ERI3: variants seen among roughly 807,000 people sequenced by gnomAD.
ERI3 encodes the protein ERI1 exoribonuclease 3.
ERI3 carries 18 observed loss-of-function variants against 44.4 expected under a neutral mutation model. That is an observed-to-expected ratio of 0.41 (90% CI 0.28 to 0.60). The LOEUF (loss-of-function observed/expected upper bound fraction) is 0.60, where lower values mean the gene tolerates loss of function less well. ERI3 is among the 20% of genes least tolerant of loss of function. ERI3 has a pLI of 0.36. For missense variants in ERI3, 294 were observed against 435.5 expected (o/e 0.68, Z 2.89); for synonymous variants, 183 against 164.8 (o/e 1.11, Z -0.84).
intron 5 of ERI3, among the ~76,000 whole-genome samples, chr1:44,312,924 G>T (rs1328144920): frequency 1.3e-5 from 2 of 152,252 alleles, no homozygotes; most frequent in African/African-American, 4.8e-5. Flanking sequence ...AGGAAGGGGT[G>T]GGGGCCCCTC....
intron 3 of ERI3, among the ~76,000 whole-genome samples, chr1:44,330,663 G>A (rs534186329): frequency 6.6e-5 from 10 of 152,308 alleles, no homozygotes; most frequent in African/African-American, 2.2e-4. Context: ...GGTAGCTGGT[G>A]TCAATGTGGG....
At chr1:44,243,773 C>A (rs12062880) in intron 8 of ERI3, 1 of 152,284 alleles carries the variant, frequency 6.6e-6, no homozygotes, top group Non-Finnish European at 1.5e-5. Context: ...TTCAGGCCTG[C>A]GTGTTTCACT....
At chr1:44,323,004 C>T (rs1384850305) in intron 3 of ERI3, 1 of 1,219,094 alleles carries the variant, frequency 8.2e-7, no homozygotes, top group Non-Finnish European at 1.1e-6. Context: ...GATAATGAAA[C>T]TGTTATTCCT....
chr1:44,248,702 A>AGAGTGTGTGTGT (rs1553183708), intron 7 of ERI3, among the ~76,000 whole-genome samples: 6 of 148,380 alleles, frequency 4.0e-5, no homozygotes, highest in Non-Finnish European at 6.0e-5. Context: ...TGTGAGAGAG[A>AGAGTGTGTGTGT]GTGTGTGTGT....
chr1:44,284,980 T>C, intron 6 of ERI3, 73 bp from the exon 7 acceptor site: 1 of 1,278,104 alleles, frequency 7.8e-7, no homozygotes, highest in Non-Finnish European at 1.1e-6. Flanking sequence ...AGATGGGAAG[T>C]CCAACAGAGC....
At chr1:44,262,806 A>G (rs1644920906) in intron 7 of ERI3, among the ~76,000 whole-genome samples, 1 of 152,130 alleles carries the variant, frequency 6.6e-6, no homozygotes, top group South Asian at 2.1e-4. Context: ...CCATCTAGGG[A>G]ACATCTTACT....
intron 6 of ERI3, among the ~76,000 whole-genome samples, chr1:44,286,556 G>T (rs1176660615): frequency 6.6e-6 from 1 of 152,124 alleles, no homozygotes; most frequent in East Asian, 1.9e-4. Context: ...GAACAGAATA[G>T]AGCGAGGTGA....
At chr1:44,326,862 G>A (rs1312720723) in intron 3 of ERI3, among the ~76,000 whole-genome samples, 1 of 152,188 alleles carries the variant, frequency 6.6e-6, no homozygotes, top group East Asian at 1.9e-4. Flanking sequence ...TATTTGAGGA[G>A]AGTATGGGTG....
intron 3 of ERI3, among the ~76,000 whole-genome samples, chr1:44,334,025 G>A (rs1646482609): frequency 6.6e-6 from 1 of 152,208 alleles, no homozygotes; most frequent in African/African-American, 2.4e-5. Flanking sequence ...CTTGAATACA[G>A]ATGAGAAGGC....
intron 3 of ERI3, among the ~76,000 whole-genome samples, chr1:44,329,295 G>C (rs1490471301): frequency 6.6e-6 from 1 of 152,108 alleles, no homozygotes; most frequent in African/African-American, 2.4e-5. Flanking sequence ...CATATCCTAA[G>C]GCACCTACTT....
At chr1:44,250,247 C>T (rs1644647822) in intron 7 of ERI3, among the ~76,000 whole-genome samples, 1 of 152,352 alleles carries the variant, frequency 6.6e-6, no homozygotes, top group South Asian at 2.1e-4. Flanking sequence ...GACGGGCGGG[C>T]GGCAGGGCTG....
At chr1:44,322,637 G>A in intron 3 of ERI3, 1 of 1,441,402 alleles carries the variant, frequency 6.9e-7, no homozygotes, top group Middle Eastern at 2.1e-4. Flanking sequence ...ATATTCACTT[G>A]AGCTACTGAG....
intron 8 of ERI3, among the ~76,000 whole-genome samples, chr1:44,231,683 C>A (rs1318573966): frequency 6.6e-6 from 1 of 152,170 alleles, no homozygotes; most frequent in Non-Finnish European, 1.5e-5. Context: ...CAGCCACCTG[C>A]TTCTGCTCTG....
chr1:44,281,528 C>A (rs1455022878), intron 7 of ERI3, among the ~76,000 whole-genome samples: 2 of 147,996 alleles, frequency 1.4e-5, no homozygotes, highest in African/African-American at 5.0e-5. Flanking sequence ...TTCAAGGCTG[C>A]AGCGAGCCAT....
At chr1:44,225,592 G>A (rs1000152515) in intron 8 of ERI3, among the ~76,000 whole-genome samples, 6 of 152,222 alleles carry the variant, frequency 3.9e-5, no homozygotes, top group African/African-American at 1.4e-4. Context: ...GAGAAGATTA[G>A]TGGGGCTAGC....
Position 44,261,630 on chromosome 1 carries a change from C to T in ERI3, c.832-13592G>A, listed in dbSNP as rs765722875. On this transcript the variant is annotated intron_variant, in intron 7 of 8. Transcript: ENST00000372257. ...AGAGAGCCGCTCTGAGGAGAGCTGG[C>T]GGCTGCGCCCCGCTATGCGCTCCGC... Among the ~76,000 whole-genome samples, 27 of 152,366 alleles carry T rather than the reference C, an allele frequency of 1.8e-4. 1 individual carries two copies. Among genetic ancestry groups the T allele is most frequent in the South Asian group, 8.3e-4 (4 of 4,834 alleles).
intron 3 of ERI3, among the ~76,000 whole-genome samples, chr1:44,338,316 C>G (rs1165305798): frequency 1.3e-5 from 2 of 152,186 alleles, no homozygotes; most frequent in Admixed American, 6.5e-5. Context: ...GCTCAAAGTC[C>G]CTCCTAAGGT....
chr1:44,265,141 G>A lies in ERI3; in HGVS notation c.832-17103C>T, dbSNP rs927670771. Among the ~76,000 whole-genome samples the A allele has an allele frequency of 2.0e-3, 112 of 55,954 alleles. 1 individual carries two copies. The highest frequency in any genetic ancestry group is 6.8e-3 in the Middle Eastern group (1 of 146). The allele number at this position is 55,954 out of a possible 152,430, so 36.7% of individuals were successfully genotyped here. On this transcript the variant is annotated intron_variant, in intron 7 of 8. Coordinates refer to ENST00000372257, the MANE Select transcript of ERI3 (RefSeq NM_024066.3). ...GCTTAAAACAATTCAGAGGCCCCCA[G>A]AAGCGGGAAGGAGAACAAGTGGAGT...
At chr1:44,306,492 T>C (rs573792241) in intron 6 of ERI3, among the ~76,000 whole-genome samples, 3 of 152,274 alleles carry the variant, frequency 2.0e-5, no homozygotes, top group African/African-American at 7.2e-5. Context: ...CTTTTCTTGA[T>C]GATATCATTT....
Sources: allele counts gnomAD v4.1 joint callset (sites outside exome capture counted in the v4.1 genomes callset), GRCh38; gene constraint gnomAD v4.1.1; transcripts MANE v1.5; gene names NCBI Gene and HGNC (gene_info 2026-07-23, HGNC 2026-07-21).